PPM1A: variants seen among roughly 807,000 people sequenced by gnomAD.
The protein encoded by PPM1A is protein phosphatase 1A.
PPM1A carries 7 observed loss-of-function variants against 35.0 expected under a neutral mutation model. The observed-to-expected ratio is 0.20, with a 90% confidence interval of 0.11 to 0.38. PPM1A has a LOEUF of 0.38. Ranked by LOEUF, PPM1A falls within the 10% of genes least tolerant of loss-of-function variation. The pLI is 1.00. For synonymous variants in PPM1A, 153 were observed against 167.3 expected (o/e 0.91, Z 0.66); for missense variants, 239 against 467.8 (o/e 0.51, Z 4.51).
intron 1 of PPM1A, among the ~76,000 whole-genome samples, chr14:60,260,847 A>C (rs774489266): frequency 1.3e-5 from 2 of 152,206 alleles, no homozygotes; most frequent in Non-Finnish European, 2.9e-5. Context: ...TGAATAAGTT[A>C]GCCTTCTTTT....
intron 1 of PPM1A, among the ~76,000 whole-genome samples, chr14:60,252,584 A>G (rs1012472225): frequency 6.6e-6 from 1 of 152,160 alleles, no homozygotes; most frequent in South Asian, 2.1e-4. Context: ...CCTCTAAGTA[A>G]TTTTATGTCA....
chr14:60,266,320 G>T (rs180903225), intron 1 of PPM1A, among the ~76,000 whole-genome samples: 1 of 152,028 alleles, frequency 6.6e-6, no homozygotes, highest in Non-Finnish European at 1.5e-5. Context: ...CTTAAAAGAC[G>T]TTTGCTTTTC....
Position 60,283,391 on chromosome 14 carries a change from G to T in PPM1A, c.688G>T (p.Asp230Tyr), listed in dbSNP as rs757003031. ...EVHDIERSEE[D>Y]DQFIILACDG... The stretch of plus-strand genomic sequence containing the variant: ...CCATGATATTGAAAGATCTGAAGAA[G>T]ATGATCAGTTCATTATCCTTGCATG... The change falls in exon 2 of 6, where the codon GAT becomes TAT. Residue 230 changes from aspartate (D) to tyrosine (Y), a missense_variant. Around this residue, in one of 2 missense-constraint regions of PPM1A, gnomAD observed 175 missense variants for 389.2 expected, o/e 0.45. Coordinates refer to ENST00000395076, the MANE Select transcript of PPM1A (RefSeq NM_021003.5). The surrounding 1 kb of genome is among the most constrained non-coding windows in gnomAD (Gnocchi z 6.3). 6.8e-6 allele frequency: 11 copies of T among 1,614,082 alleles called. No individual in the cohort carries two copies. Among genetic ancestry groups the T allele is most frequent in the Non-Finnish European group, 9.3e-6 (11 of 1,180,026 alleles).
Position 60,283,601 on chromosome 14 carries a change from T to G in PPM1A, c.834+64T>G. On this transcript the variant is annotated intron_variant, in intron 2 of 5. Coordinates refer to ENST00000395076, the MANE Select transcript of PPM1A (RefSeq NM_021003.5). This position sits in a 1 kb window ranked among gnomAD's most constrained non-coding sequence, Gnocchi z 6.3. ...GCCATATTAATCACTACTCTAGTAT[T>G]TAATCATCTTAGAATCTGTAATTCT... 2 of 1,471,356 alleles carry G rather than the reference T, an allele frequency of 1.4e-6. No homozygotes were observed. Among genetic ancestry groups the G allele is most frequent in the Non-Finnish European group, 1.8e-6 (2 of 1,099,932 alleles). 91.1% of individuals were successfully genotyped at this position (1,471,356 alleles called of 1,614,324 possible).
Position 60,283,336 on chromosome 14 carries a change from T to C in PPM1A, c.633T>C (p.Thr211=), listed in dbSNP as rs183906525. 122 of 1,614,230 alleles carry C rather than the reference T, an allele frequency of 7.6e-5. 2 individuals carry two copies. The East Asian group carries it at 2.6e-3, about 34-fold the overall frequency. The change falls in exon 2 of 6, where the codon ACT becomes ACC. Residue 211 remains threonine (T), a synonymous_variant. Transcript: ENST00000395076. The surrounding 1 kb of genome is among the most constrained non-coding windows in gnomAD (Gnocchi z 6.3). Reference sequence around the variant, plus strand: ...AATGTGTCCATGGAAAAGGTCCTACTGAGCAGCTTGTCTCACCAGAGCCTG... The same window carrying C: ...AATGTGTCCATGGAAAAGGTCCTACCGAGCAGCTTGTCTCACCAGAGCCTG... ...DYKCVHGKGP[T]EQLVSPEPEV...
rs770119500 is a variant in PPM1A, at chr14:60,283,793, A to C, written c.834+256A>C. Among the ~76,000 whole-genome samples, 6 of 152,236 alleles carry C rather than the reference A, an allele frequency of 3.9e-5. No homozygotes were observed. The highest frequency in any genetic ancestry group is 7.2e-5 in the African/African-American group (3 of 41,470). On this transcript the variant is annotated intron_variant, in intron 2 of 5. Coordinates refer to ENST00000395076, the MANE Select transcript of PPM1A (RefSeq NM_021003.5). The surrounding 1 kb of genome is among the most constrained non-coding windows in gnomAD (Gnocchi z 6.3). Reference sequence around the variant, plus strand: ...TTGTAATAATGTGGAAGATTATCAAAGGTAAAAAGATTTTATCAGAGTGCA... The same window carrying C: ...TTGTAATAATGTGGAAGATTATCAACGGTAAAAAGATTTTATCAGAGTGCA...
At chr14:60,281,841 C>A (rs1018658466) in intron 1 of PPM1A, among the ~76,000 whole-genome samples, 1 of 152,068 alleles carries the variant, frequency 6.6e-6, no homozygotes, top group African/African-American at 2.4e-5. Context: ...TCTTTATATA[C>A]CTAATGGTCA....
intron 1 of PPM1A, among the ~76,000 whole-genome samples, chr14:60,261,261 A>G (rs1353112143): frequency 6.6e-6 from 1 of 152,184 alleles, no homozygotes; most frequent in African/African-American, 2.4e-5. Flanking sequence ...TAAAAATTCA[A>G]GGATACTGAG....
intron 3 of PPM1A, 84 bp downstream of exon 3, chr14:60,285,825 T>C: frequency 6.4e-7 from 1 of 1,552,992 alleles, no homozygotes; most frequent in South Asian, 1.2e-5. Flanking sequence ...GCTTTTAGAT[T>C]TTTATGTGTC....
intron 3 of PPM1A, chr14:60,287,814 T>G (rs1290968140): frequency 2.0e-6 from 2 of 983,180 alleles, no homozygotes; most frequent in Middle Eastern, 5.2e-4. Context: ...ATTATACTTT[T>G]GTGTATATAT....
intron 1 of PPM1A, chr14:60,250,354 G>A: frequency 1.2e-6 from 1 of 848,886 alleles, no homozygotes; most frequent in Non-Finnish European, 1.4e-6. Context: ...GAGCTTGGTT[G>A]AGGTATGGTT....
chr14:60,258,583 C>T (rs185107190), intron 1 of PPM1A, among the ~76,000 whole-genome samples: 84 of 152,020 alleles, frequency 5.5e-4, no homozygotes, highest in Non-Finnish European at 6.9e-4. Flanking sequence ...TTGATTAAGC[C>T]GTAGATTTCT....
intron 5 of PPM1A, 118 bp downstream of exon 5, chr14:60,291,572 T>C: frequency 1.5e-6 from 1 of 687,964 alleles, no homozygotes. Context: ...CACCCCTGAT[T>C]GATTGCTCTG....
chr14:60,245,928 GA>G (rs1238142764), upstream of PPM1A: 7 of 1,582,624 alleles, frequency 4.4e-6, no homozygotes, highest in Middle Eastern at 1.7e-4. The surrounding 1 kb of genome is among the most constrained non-coding windows in gnomAD (Gnocchi z 4.2). Flanking sequence ...GAAGAATGGG[GA>G]AGAGAAGGGC....
At chr14:60,265,053 G>C (rs978754135) in intron 1 of PPM1A, among the ~76,000 whole-genome samples, 2 of 152,128 alleles carry the variant, frequency 1.3e-5, no homozygotes, top group African/African-American at 2.4e-5. Flanking sequence ...AGTTTTTGTT[G>C]TGTTTTCTTT....
chr14:60,283,070 G>C lies in PPM1A; in HGVS notation c.367G>C (p.Asp123His). 6.2e-7 allele frequency: 1 copy of C among 1,614,246 alleles called. No individual in the cohort carries two copies. Among genetic ancestry groups the C allele is most frequent in the Non-Finnish European group, 8.5e-7 (1 of 1,180,052 alleles). The change falls in exon 2 of 6, where the codon GAT becomes CAT. Residue 123 changes from aspartate to histidine, a missense_variant. Transcript: ENST00000395076. The surrounding 1 kb of genome is among the most constrained non-coding windows in gnomAD (Gnocchi z 6.3). ...RVMSEKKHGADRSGSTAVGVL... is the reference protein window; with the variant it reads ...RVMSEKKHGAHRSGSTAVGVL... ...TATGTCAGAGAAGAAACATGGTGCA[G>C]ATAGAAGTGGGTCAACAGCTGTAGG...
chr14:60,258,668 A>G (rs1883409739), intron 1 of PPM1A, among the ~76,000 whole-genome samples: 2 of 152,084 alleles, frequency 1.3e-5, no homozygotes, highest in African/African-American at 2.4e-5. Context: ...CATGTATTCT[A>G]TAGATGGAAA....
chr14:60,298,848 T>G lies in PPM1A; in HGVS notation c.*6366T>G, dbSNP rs1191354979. ...GTAGCAACTCACCCACTTTGCAGTT[T>G]ATGTGATCCACACTTTTAAAGAAAT... On this transcript the variant is annotated 3_prime_UTR_variant, in exon 6 of 6. Transcript: ENST00000395076. 1 of 151,882 alleles carries G rather than the reference T, an allele frequency of 6.6e-6. No individual in the cohort carries two copies. Among genetic ancestry groups the G allele is most frequent in the Admixed American group, 6.6e-5 (1 of 15,230 alleles). 9.4% of individuals were successfully genotyped at this position (151,882 alleles called of 1,614,324 possible).
chr14:60,288,267 G>A (rs1414528094), intron 3 of PPM1A: 1 of 963,530 alleles, frequency 1.0e-6, no homozygotes, highest in Non-Finnish European at 1.2e-6. Flanking sequence ...AGAGATGTAA[G>A]ATACATCAAA....
Sources: gnomAD v4.1 joint callset for allele counts (sites outside exome capture counted in the v4.1 genomes callset) on GRCh38, gnomAD v4.1.1 for gene constraint, gnomAD v4.1.1 regional missense constraint, Gnocchi (gnomAD v3.1) non-coding constraint, MANE v1.5 for transcripts, NCBI Gene and HGNC (gene_info 2026-07-23, HGNC 2026-07-21) for gene names.